The following PRKCE variants were observed in gnomAD, a reference collection of about 807,000 sequenced individuals.
PRKCE encodes the protein protein kinase C epsilon type.
In PRKCE, 16 loss-of-function variants were observed where a neutral mutation model predicts 85.4. That is an observed-to-expected ratio of 0.19 (90% CI 0.13 to 0.28). PRKCE has a LOEUF of 0.28. PRKCE is among the 10% of genes least tolerant of loss of function. The pLI is 1.00. For missense variants in PRKCE, 573 were observed against 975.2 expected, an observed-to-expected ratio of 0.59 and a Z score of 5.49; for synonymous variants, 388 against 371.5, an observed-to-expected ratio of 1.04 and a Z score of -0.51.
chr2:45,701,654 C>A (rs953810108), intron 1 of PRKCE: 2 of 152,182 alleles, frequency 1.3e-5, no homozygotes, highest in Admixed American at 6.5e-5. Context: ...TGAGATAATG[C>A]AGTGAAGAAA....
intron 10 of PRKCE, among the ~76,000 whole-genome samples, chr2:46,080,180 G>A (rs979895047): frequency 5.9e-5 from 9 of 152,108 alleles, no homozygotes; most frequent in African/African-American, 2.2e-4. Context: ...TTTCATTTAC[G>A]TAATTAAGCA....
At chr2:45,773,511 T>TCA in intron 1 of PRKCE, among the ~76,000 whole-genome samples, 1 of 152,122 alleles carries the variant, frequency 6.6e-6, no homozygotes, top group East Asian at 1.9e-4. Context: ...AGAGGTAGGG[T>TCA]TGAGATTCAC....
chr2:45,686,269 CT>C (rs1027688037), intron 1 of PRKCE: 2 of 152,168 alleles, frequency 1.3e-5, no homozygotes, highest in Non-Finnish European at 2.9e-5. Flanking sequence ...ATTTAATTGT[CT>C]TCCTTTCTCT....
intron 2 of PRKCE, among the ~76,000 whole-genome samples, chr2:45,974,316 C>T (rs957590308): frequency 2.0e-5 from 3 of 152,316 alleles, no homozygotes; most frequent in African/African-American, 7.2e-5. Context: ...ATTTGGTCAG[C>T]AGGTCAAGAC....
At position 46,001,252 on chromosome 2, in the gene PRKCE, C is replaced by CATATATAT. The variant is rs35088567; in HGVS notation, c.824-139_824-132dup. The CATATATAT allele has an allele frequency of 0.02, 7,379 of 366,380 alleles. 443 individuals carry two copies. The highest frequency in any genetic ancestry group is 0.14 in the African/African-American group (6,077 of 43,214). The allele number at this position is 366,380 out of a possible 1,614,324, so 22.7% of individuals were successfully genotyped here. On this transcript the variant is annotated intron_variant, in intron 6 of 14. Transcript: ENST00000306156. The surrounding 1 kb of genome is among the most constrained non-coding windows in gnomAD (Gnocchi z 4.4). ...GATTTTGGTTTTGTATGATGGAAGACATATATATATATATATATATTTCTG... is the reference window on the plus strand; with the variant it reads ...GATTTTGGTTTTGTATGATGGAAGACATATATATATATATATATATATATATATTTCTG...
intron 2 of PRKCE, among the ~76,000 whole-genome samples, chr2:45,877,657 C>A (rs1375535514): frequency 1.3e-5 from 2 of 152,118 alleles, no homozygotes; most frequent in East Asian, 1.9e-4. Flanking sequence ...AAAAAAAATT[C>A]TTTAATATAA....
rs917910274 is a variant in PRKCE at position 45,905,870 on chromosome 2, A to G, written c.412+62807A>G. On this transcript the variant is annotated intron_variant, in intron 2 of 14. Transcript: ENST00000306156. This position sits in a 1 kb window ranked among gnomAD's most constrained non-coding sequence, Gnocchi z 4.4. ...TCCCACAGTGGGAATAATTTCCTTG[A>G]AGGTCTTTACTCCAAGAGGTTCCCT... Among the ~76,000 whole-genome samples, 3 of 152,180 alleles carry G rather than the reference A, an allele frequency of 2.0e-5. No individual in the cohort carries two copies. The highest frequency in any genetic ancestry group is 2.9e-5 in the Non-Finnish European group (2 of 68,022).
chr2:46,161,522 G>A (rs924839692), intron 14 of PRKCE, among the ~76,000 whole-genome samples: 4 of 152,066 alleles, frequency 2.6e-5, no homozygotes, highest in Admixed American at 1.3e-4. Flanking sequence ...CCAGGCTTAT[G>A]GAGCACCAGG....
intron 1 of PRKCE, among the ~76,000 whole-genome samples, chr2:45,767,709 TTGC>T (rs1685021692): frequency 6.6e-6 from 1 of 152,222 alleles, no homozygotes; most frequent in African/African-American, 2.4e-5. Flanking sequence ...TTCTGTGGAC[TTGC>T]TGCTTTCTCT....
Position 45,679,994 on chromosome 2 carries a change from A to C in PRKCE, c.348+27546A>C, listed in dbSNP as rs667747. ...TTAGATCTGGGAAGAGATTTAGCACATTTCTGTATTAGTAGAGCATTTGAG... is the reference window on the plus strand; with the variant it reads ...TTAGATCTGGGAAGAGATTTAGCACCTTTCTGTATTAGTAGAGCATTTGAG... On this transcript the variant is annotated intron_variant, in intron 1 of 14. Transcript: ENST00000306156. 7.9e-5 allele frequency among the ~76,000 whole-genome samples: 12 copies of C among 152,360 alleles called. 1 individual carries two copies. Among genetic ancestry groups the C allele is most frequent in the African/African-American group, 2.2e-4 (9 of 41,594 alleles).
At chr2:46,010,212 C>T in intron 9 of PRKCE, 132 bp from the exon 10 acceptor site, 2 of 1,056,592 alleles carry the variant, frequency 1.9e-6, no homozygotes, top group Non-Finnish European at 2.6e-6. Context: ...CATGCCACCA[C>T]ACCAGGCTTG....
chr2:46,055,718 A>C (rs1375475077), intron 10 of PRKCE, among the ~76,000 whole-genome samples: 4 of 151,756 alleles, frequency 2.6e-5, no homozygotes, highest in Admixed American at 6.6e-5. Context: ...GCTGGAATGC[A>C]GTGGCAAGAT....
intron 2 of PRKCE, among the ~76,000 whole-genome samples, chr2:45,919,290 T>A (rs999874189): frequency 8.6e-5 from 13 of 152,046 alleles, no homozygotes; most frequent in Non-Finnish European, 7.4e-5. Flanking sequence ...GGAAACCAGG[T>A]GTGGGAAGGC....
intron 1 of PRKCE, among the ~76,000 whole-genome samples, chr2:45,821,884 C>T (rs1365179939): frequency 1.3e-5 from 2 of 152,078 alleles, no homozygotes; most frequent in Non-Finnish European, 2.9e-5. Context: ...TAAGGGAAGA[C>T]CTAGGAGCTG....
chr2:45,683,676 A>G (rs1446564925), intron 1 of PRKCE, among the ~76,000 whole-genome samples: 1 of 152,182 alleles, frequency 6.6e-6, no homozygotes, highest in East Asian at 1.9e-4. Flanking sequence ...AGTTCAGAAG[A>G]CATCTTCTTA....
chr2:45,880,876 G>A (rs949088920), intron 2 of PRKCE, among the ~76,000 whole-genome samples: 13 of 152,150 alleles, frequency 8.5e-5, no homozygotes, highest in Admixed American at 5.2e-4. Flanking sequence ...GGTGTAGGCC[G>A]GGCGCGGTGG....
intron 1 of PRKCE, among the ~76,000 whole-genome samples, chr2:45,747,107 T>C (rs2104709823): frequency 6.6e-6 from 1 of 152,320 alleles, no homozygotes; most frequent in East Asian, 1.9e-4. Context: ...TATAACCTCT[T>C]GAGGCCAAGG....
At chr2:46,170,354 A>T (rs1383322831) in intron 14 of PRKCE, among the ~76,000 whole-genome samples, 1 of 152,226 alleles carries the variant, frequency 6.6e-6, no homozygotes, top group Admixed American at 6.5e-5. Flanking sequence ...TTTGGGACTT[A>T]TAATTTTAAC....
intron 2 of PRKCE, among the ~76,000 whole-genome samples, chr2:45,933,574 C>T (rs907665358): frequency 2.0e-5 from 3 of 148,696 alleles, no homozygotes; most frequent in Non-Finnish European, 3.0e-5. Context: ...CCCGGGTTCA[C>T]GCCATTCTCC....
Sources: gnomAD v4.1 joint callset for allele counts (sites outside exome capture counted in the v4.1 genomes callset) on GRCh38, gnomAD v4.1.1 for gene constraint, Gnocchi (gnomAD v3.1) non-coding constraint, MANE v1.5 for transcripts, NCBI Gene and HGNC (gene_info 2026-07-23, HGNC 2026-07-21) for gene names.